The following PIK3CD variants were observed in gnomAD, a reference collection of about 807,000 sequenced individuals.
The protein encoded by PIK3CD is phosphatidylinositol 4,5-bisphosphate 3-kinase catalytic subunit delta isoform.
In PIK3CD, 20 loss-of-function variants were observed where a neutral mutation model predicts 122.9. That is an observed-to-expected ratio of 0.16 (90% CI 0.11 to 0.24). The LOEUF (loss-of-function observed/expected upper bound fraction) is 0.24. Among genes scored for constraint, PIK3CD ranks in the 10% least tolerant of loss-of-function variants. PIK3CD has a pLI of 1.00. For synonymous variants in PIK3CD, 596 were observed against 593.4 expected (o/e 1.00, Z -0.06); for missense variants, 787 against 1,406.3 (o/e 0.56, Z 7.04).
intron 1 of PIK3CD, among the ~76,000 whole-genome samples, chr1:9,671,008 T>G (rs1421261942): frequency 6.6e-6 from 1 of 152,148 alleles, no homozygotes; most frequent in Non-Finnish European, 1.5e-5. Context: ...TCTGCCCGTC[T>G]CAACCTCCCA....
Position 9,724,977 on chromosome 1 carries a change from C to G in PIK3CD, c.2997+41C>G. 6.2e-7 allele frequency: 1 copy of G among 1,611,172 alleles called. No individual in the cohort carries two copies. The highest frequency in any genetic ancestry group is 1.7e-4 in the Middle Eastern group (1 of 6,058). ...GAGACTGCTGTCGCCAGTGGACTTC[C>G]AAGGCCTGCCCCCGAGCAATGTGAC... On this transcript the variant is annotated intron_variant, in intron 23 of 23. Coordinates refer to ENST00000377346, the MANE Select transcript of PIK3CD (RefSeq NM_005026.5). The surrounding 1 kb of genome is among the most constrained non-coding windows in gnomAD (Gnocchi z 7.3).
the PIK3CD span, among the ~76,000 whole-genome samples, chr1:9,644,455 T>G: frequency 6.8e-6 from 1 of 146,674 alleles, no homozygotes; most frequent in Admixed American, 6.8e-5. Context: ...GAAGCGGAGG[T>G]TGCAGTGAGC....
chr1:9,667,656 G>C (rs1403262915), intron 1 of PIK3CD, among the ~76,000 whole-genome samples: 1 of 151,996 alleles, frequency 6.6e-6, no homozygotes, highest in Non-Finnish European at 1.5e-5. Context: ...GATTACAGGC[G>C]TGAGCCACCG....
intron 1 of PIK3CD, among the ~76,000 whole-genome samples, chr1:9,664,844 T>C (rs1056137781): frequency 1.2e-4 from 19 of 152,188 alleles, no homozygotes; most frequent in African/African-American, 4.6e-4. Context: ...CTGGGCATTG[T>C]CATCCCTGTT....
intron 1 of PIK3CD, among the ~76,000 whole-genome samples, chr1:9,682,068 G>A (rs1023834622): frequency 8.5e-5 from 13 of 152,086 alleles, no homozygotes; most frequent in African/African-American, 3.1e-4. Flanking sequence ...GAGTAGCTGG[G>A]ACTACCACCA....
intron 1 of PIK3CD, among the ~76,000 whole-genome samples, chr1:9,679,567 C>G (rs537306214): frequency 2.0e-5 from 3 of 152,126 alleles, no homozygotes; most frequent in Non-Finnish European, 4.4e-5. Context: ...GCCCTTAGCC[C>G]ATGTCCTGTT....
chr1:9,716,990 C>A lies in PIK3CD; in HGVS notation c.812C>A (p.Thr271Asn). 6.2e-7 allele frequency: 1 copy of A among 1,613,886 alleles called. No homozygotes were observed. Among genetic ancestry groups the A allele is most frequent in the South Asian group, 1.1e-5 (1 of 91,090 alleles). The change falls in exon 7 of 24, where the codon ACC becomes AAC. Residue 271 changes from threonine (T) to asparagine (N), a missense_variant. This residue lies in a region of PIK3CD where 592 missense variants were observed against 920.6 expected (regional missense o/e 0.64). Transcript: ENST00000377346. Reference protein sequence around the residue: ...YICSCLHSGLTPHLTMVHSSS... With the variant: ...YICSCLHSGLNPHLTMVHSSS... The stretch of plus-strand genomic sequence containing the variant: ...TGCAGCTGCCTGCACAGTGGGTTGA[C>A]CCCTCACCTGACCATGGTCCATTCC...
At chr1:9,666,642 G>A (rs906681741) in intron 1 of PIK3CD, among the ~76,000 whole-genome samples, 2 of 152,010 alleles carry the variant, frequency 1.3e-5, no homozygotes, top group Non-Finnish European at 2.9e-5. Flanking sequence ...CTGAATTCGA[G>A]ACCAACCTGG....
Position 9,716,531 on chromosome 1 carries a change from C to T in PIK3CD, c.692C>T (p.Pro231Leu), listed in dbSNP as rs369430343. The change falls in exon 6 of 24, where the codon CCG becomes CTG. Residue 231 changes from proline to leucine, a missense_variant. This residue lies in a region of PIK3CD where 592 missense variants were observed against 920.6 expected (regional missense o/e 0.64). Coordinates refer to ENST00000377346, the MANE Select transcript of PIK3CD (RefSeq NM_005026.5). ...LRKKATVFRQ[P>L]LVEQPEDYTL... Reference sequence around the variant, plus strand: ...AAGAAGGCCACAGTGTTCCGGCAGCCGCTGGTGGAGCAGCCGGAAGACTAC... The same window carrying T: ...AAGAAGGCCACAGTGTTCCGGCAGCTGCTGGTGGAGCAGCCGGAAGACTAC... 7.1e-5 allele frequency: 114 copies of T among 1,609,264 alleles called. No homozygotes were observed. The highest frequency in any genetic ancestry group is 8.8e-5 in the Non-Finnish European group (104 of 1,179,338).
chr1:9,691,784 G>C (rs961078142), intron 2 of PIK3CD: 1 of 372,326 alleles, frequency 2.7e-6, no homozygotes, highest in Non-Finnish European at 4.8e-6. Flanking sequence ...GCCATTCCCA[G>C]GAGAGAGATG....
chr1:9,695,644 C>T (rs758929867), intron 2 of PIK3CD, among the ~76,000 whole-genome samples: 4 of 152,208 alleles, frequency 2.6e-5, no homozygotes, highest in Middle Eastern at 3.4e-3. Flanking sequence ...GAGTTCAAGA[C>T]CAGCCTGGCC....
rs773937862 is a variant in PIK3CD, at chr1:9,723,691, G to C, written c.2595-278G>C. ...CATTCCTGGGGCCTTGGCGCCAGCTGTCTGTGATGCCTCTCTGCATGTGGT... is the reference window on the plus strand; with the variant it reads ...CATTCCTGGGGCCTTGGCGCCAGCTCTCTGTGATGCCTCTCTGCATGTGGT... On this transcript the variant is annotated intron_variant, in intron 20 of 23. Coordinates refer to ENST00000377346, the MANE Select transcript of PIK3CD (RefSeq NM_005026.5). The surrounding 1 kb of genome is among the most constrained non-coding windows in gnomAD (Gnocchi z 4.9). 9.2e-5 allele frequency among the ~76,000 whole-genome samples: 14 copies of C among 152,160 alleles called. No individual in the cohort carries two copies. Among genetic ancestry groups the C allele is most frequent in the Non-Finnish European group, 2.1e-4 (14 of 68,024 alleles).
At position 9,710,777 on chromosome 1, in the gene PIK3CD, G is replaced by GGTTTGTTT. The variant is rs201756280; in HGVS notation, c.141+198_141+205dup. ...ATGAGAATTTTAAAAGATAAATAATGGTTTGTTTGTTTGTTTGTTTGTTTT... is the reference window on the plus strand; with the variant it reads ...ATGAGAATTTTAAAAGATAAATAATGGTTTGTTTGTTTGTTTGTTTGTTTGTTTGTTTT... On this transcript the variant is annotated intron_variant, in intron 3 of 23. Coordinates refer to ENST00000377346, the MANE Select transcript of PIK3CD (RefSeq NM_005026.5). The surrounding 1 kb of genome is among the most constrained non-coding windows in gnomAD (Gnocchi z 4.7). 3.9e-5 allele frequency among the ~76,000 whole-genome samples: 6 copies of GGTTTGTTT among 151,976 alleles called. No individual in the cohort carries two copies. Among genetic ancestry groups the GGTTTGTTT allele is most frequent in the African/African-American group, 9.6e-5 (4 of 41,472 alleles).
At chr1:9,650,125 G>A (rs1014424498), upstream of PIK3CD, among the ~76,000 whole-genome samples, 3 of 114,434 alleles carry the variant, frequency 2.6e-5, no homozygotes, top group African/African-American at 1.4e-4. Context: ...CATTCCTTCA[G>A]AAAGGAATAG....
In PIK3CD at chr1:9,723,360, T is replaced by C; in HGVS notation, c.2594+68T>C. The C allele has an allele frequency of 1.3e-6, 2 of 1,536,144 alleles. No homozygotes were observed. Among genetic ancestry groups the C allele is most frequent in the Admixed American group, 1.7e-5 (1 of 59,902 alleles). ...AGGTGTGGAGTGGGAGGGCCTCGCC[T>C]GTCAGAACAAAGGAGCGGGGAGGGG... On this transcript the variant is annotated intron_variant, in intron 20 of 23. Transcript: ENST00000377346. The surrounding 1 kb of genome is among the most constrained non-coding windows in gnomAD (Gnocchi z 4.9).
At chr1:9,631,342 T>C in the PIK3CD span, among the ~76,000 whole-genome samples, 1 of 152,140 alleles carries the variant, frequency 6.6e-6, no homozygotes, top group Non-Finnish European at 1.5e-5. Context: ...CATGGGTACA[T>C]GACAAAGGAT....
chr1:9,645,715 C>T, the PIK3CD span, among the ~76,000 whole-genome samples: 8 of 151,166 alleles, frequency 5.3e-5, no homozygotes, highest in Admixed American at 3.3e-4. Flanking sequence ...AAGCAATTCT[C>T]CTGCCTCAGC....
rs1257526121 is a variant in PIK3CD, at chr1:9,720,887, A to G, written c.1667A>G (p.Asn556Ser). 1 of 1,601,296 alleles carries G rather than the reference A, an allele frequency of 6.2e-7. No individual in the cohort carries two copies. The highest frequency in any genetic ancestry group is 8.5e-7 in the Non-Finnish European group (1 of 1,174,228). Residue 556 changes from asparagine to serine, a missense_variant, in exon 13 of 24, where the codon AAC becomes AGC. Around this residue, in one of 6 missense-constraint regions of PIK3CD, gnomAD observed 592 missense variants for 920.6 expected, o/e 0.64. Transcript: ENST00000377346. This position sits in a 1 kb window ranked among gnomAD's most constrained non-coding sequence, Gnocchi z 9.0. ...LARLLLVTKW[N>S]KHEDVAQMLY... is the part of the protein sequence containing the mutation. ...CGGCTGCTGCTGGTCACCAAGTGGA[A>G]CAAGCATGAGGATGTGGCCCAGGTG... is the stretch of plus-strand genomic sequence containing the variant.
rs1241604121 is a variant in PIK3CD at position 9,686,052 on chromosome 1, G to C, written c.-137-5415G>C. On this transcript the variant is annotated intron_variant, in intron 1 of 23. Coordinates refer to ENST00000377346, the MANE Select transcript of PIK3CD (RefSeq NM_005026.5). Reference sequence around the variant, plus strand: ...TGAGATTTCATCACAGCAAAAGTGTGATGAAATCACACATCACAAAGTGTC... The same window carrying C: ...TGAGATTTCATCACAGCAAAAGTGTCATGAAATCACACATCACAAAGTGTC... Among the ~76,000 whole-genome samples the C allele has an allele frequency of 2.0e-5, 3 of 152,212 alleles. No homozygotes were observed. The East Asian group carries it at 5.8e-4, about 29-fold the overall frequency.
Sources: allele counts gnomAD v4.1 joint callset (sites outside exome capture counted in the v4.1 genomes callset), GRCh38; gene constraint gnomAD v4.1.1; regional missense constraint gnomAD v4.1.1; non-coding constraint Gnocchi (gnomAD v3.1); transcripts MANE v1.5; gene names NCBI Gene and HGNC (gene_info 2026-07-23, HGNC 2026-07-21).